The following CFAP92 variants were observed in gnomAD, a reference collection of about 807,000 sequenced individuals.
The protein encoded by CFAP92 is uncharacterized protein CFAP92.
CFAP92 carries 86 observed loss-of-function variants against 106.3 expected under a neutral mutation model. The ratio of observed to expected loss-of-function variants is 0.81; its 90% CI spans 0.68 to 0.97. CFAP92 has a LOEUF of 0.97. CFAP92 is among the 50% of genes least tolerant of loss of function. The pLI is 0.00. For missense variants in CFAP92, 1,204 were observed against 1,283.8 expected (o/e 0.94, Z 0.95); for synonymous variants, 477 against 506.4 (o/e 0.94, Z 0.78).
rs2107729628 is a variant in CFAP92, at chr3:128,945,693, T to G, written c.1636A>C (p.Arg546=). Residue 546 remains arginine (R), a synonymous_variant, in exon 10 of 16, where the codon AGA becomes CGA. Coordinates refer to ENST00000645291, the MANE Select transcript of CFAP92 (RefSeq NM_001394090.1). ...TCAAAGGGGTTGTTCTCTGTCTCTC[T>G]GGGAGAGATGAGGGCCTGGAAGTTG... ...YLNFQALISP[R]ETENNPFESQ... is the part of the protein sequence containing the mutation. 1 of 1,536,068 alleles carries G rather than the reference T, an allele frequency of 6.5e-7. No individual in the cohort carries two copies.
chr3:128,951,195 A>T (rs1461488068), intron 9 of CFAP92, among the ~76,000 whole-genome samples: 2 of 151,930 alleles, frequency 1.3e-5, no homozygotes, highest in Non-Finnish European at 2.9e-5. Context: ...AGATCGTGCC[A>T]CTGCACTCCA....
rs139772767 is a variant in CFAP92 at position 128,917,810 on chromosome 3, T to C, written c.2752-1539A>G. On this transcript the variant is annotated intron_variant, in intron 12 of 15. Transcript: ENST00000645291. ...GATATGCTTTCAGAAAGCAGTCCTGTATAAAAAAGATAAAATTAGAAACTG... is the reference window on the plus strand; with the variant it reads ...GATATGCTTTCAGAAAGCAGTCCTGCATAAAAAAGATAAAATTAGAAACTG... 4.7e-3 allele frequency among the ~76,000 whole-genome samples: 715 copies of C among 152,204 alleles called. 1 individual carries two copies. Among genetic ancestry groups the C allele is most frequent in the Non-Finnish European group, 7.7e-3 (527 of 68,010 alleles).
At position 128,915,215 on chromosome 3, in the gene CFAP92, AC is replaced by A; in HGVS notation, c.3183del (p.Arg1061SerfsTer32). The A allele has an allele frequency of 6.5e-7, 1 of 1,536,062 alleles. No homozygotes were observed. Among genetic ancestry groups the A allele is most frequent in the Non-Finnish European group, 8.7e-7 (1 of 1,146,906 alleles). ...NVLEPVLDRD[R>X]WSWDRHHVDF... ...TCCACGTGGTGCCTGTCCCAGCTCC[AC>A]CTGTCTCGATCCAACACAGGCTCCA... On this transcript the variant is annotated frameshift_variant, in exon 15 of 16. Transcript: ENST00000645291. LOFTEE classifies it high-confidence loss of function.
chr3:128,961,828 C>T (rs1250784894), intron 9 of CFAP92, among the ~76,000 whole-genome samples: 1 of 152,198 alleles, frequency 6.6e-6, no homozygotes, highest in African/African-American at 2.4e-5. Flanking sequence ...TTAACCTCTC[C>T]TTCAAGGTGT....
intron 9 of CFAP92, among the ~76,000 whole-genome samples, chr3:128,962,533 C>G (rs1210695056): frequency 6.6e-6 from 1 of 152,102 alleles, no homozygotes; most frequent in Non-Finnish European, 1.5e-5. Flanking sequence ...CATTGCTGCC[C>G]TTCTTCCCAA....
chr3:128,956,196 T>TAAATAAAA (rs1941372225), intron 9 of CFAP92, among the ~76,000 whole-genome samples: 2 of 61,714 alleles, frequency 3.2e-5, no homozygotes, highest in African/African-American at 1.8e-4. Context: ...AAAAAAAAAA[T>TAAATAAAA]AAAAAAAAAA....
chr3:128,977,090 C>T (rs962930915), intron 5 of CFAP92, 24 bp from the exon 6 acceptor site: 1 of 1,600,432 alleles, frequency 6.2e-7, no homozygotes, highest in Non-Finnish European at 8.6e-7. Flanking sequence ...CAAATATTTC[C>T]AAGCTTTTTG....
Position 128,951,284 on chromosome 3 carries a change from G to A in CFAP92, c.1354-5309C>T, listed in dbSNP as rs1411587919. The stretch of plus-strand genomic sequence containing the variant: ...GGAGAGTCAGCATCTAGCTAACAGA[G>A]TCCCAAAAAGAAAGGGGGAAAAAAA... On this transcript the variant is annotated intron_variant, in intron 9 of 15. Coordinates refer to ENST00000645291, the MANE Select transcript of CFAP92 (RefSeq NM_001394090.1). 1.3e-5 allele frequency among the ~76,000 whole-genome samples: 2 copies of A among 151,828 alleles called. 1 individual carries two copies. The highest frequency in any genetic ancestry group is 4.2e-4 in the South Asian group (2 of 4,818).
At chr3:128,996,828 G>A (rs1014932781), upstream of CFAP92, among the ~76,000 whole-genome samples, 16 of 152,168 alleles carry the variant, frequency 1.1e-4, no homozygotes, top group African/African-American at 3.6e-4. Context: ...GCTCTTCGTG[G>A]GCCCGCTGGT....
intron 1 of CFAP92, chr3:129,002,249 T>C: frequency 2.6e-6 from 4 of 1,531,224 alleles, no homozygotes; most frequent in Admixed American, 2.0e-5. Context: ...AGGAGGAGAA[T>C]AGCAGCTTGC....
chr3:128,956,127 C>A (rs1433221215), intron 9 of CFAP92, among the ~76,000 whole-genome samples: 4 of 104,660 alleles, frequency 3.8e-5, no homozygotes, highest in Non-Finnish European at 7.1e-5. Flanking sequence ...TGTCCCATGA[C>A]CCTGCCAAAT....
intron 7 of CFAP92, among the ~76,000 whole-genome samples, chr3:128,971,876 T>A (rs1318628512): frequency 3.3e-5 from 5 of 152,148 alleles, no homozygotes; most frequent in Non-Finnish European, 7.3e-5. Flanking sequence ...AGCACCTGCC[T>A]TCTAGGACAC....
At chr3:129,003,847 G>A (rs551113430), upstream of CFAP92, 801 of 1,454,950 alleles carry the variant, frequency 5.5e-4, no homozygotes, top group African/African-American at 0.01. Context: ...ACGGCGGGCC[G>A]GAGGCTGCGG....
Position 128,915,110 on chromosome 3 carries a change from GCCTGTTA to G in CFAP92, c.3280+2_3280+8del, listed in dbSNP as rs1169955077. 6 of 1,535,054 alleles carry G rather than the reference GCCTGTTA, an allele frequency of 3.9e-6. No individual in the cohort carries two copies. The highest frequency in any genetic ancestry group is 5.2e-6 in the Non-Finnish European group (6 of 1,146,442). On this transcript the variant is annotated splice_donor_variant and splice_donor_5th_base_variant and intron_variant, in intron 15 of 15. Coordinates refer to ENST00000645291, the MANE Select transcript of CFAP92 (RefSeq NM_001394090.1). LOFTEE classifies it high-confidence loss of function. ...AGGAGGCCCAGCTTGGCAAACCCTT[GCCTGTTA>G]CCTGTTACAGGCTTTGGTGCGGGCG...
intron 1 of CFAP92, among the ~76,000 whole-genome samples, chr3:128,999,641 C>T (rs1033846166): frequency 6.8e-6 from 1 of 147,370 alleles, no homozygotes; most frequent in Non-Finnish European, 1.5e-5. Context: ...CAGGTTCAAG[C>T]GATTCATCTG....
the CFAP92 span, among the ~76,000 whole-genome samples, chr3:129,023,037 A>C: frequency 3.9e-5 from 6 of 152,310 alleles, no homozygotes; most frequent in African/African-American, 1.4e-4. Context: ...ATCTAGCTAG[A>C]ACTGACTAAC....
intron 7 of CFAP92, among the ~76,000 whole-genome samples, chr3:128,973,275 C>T (rs757972723): frequency 1.8e-4 from 27 of 152,152 alleles, no homozygotes; most frequent in Non-Finnish European, 3.7e-4. Context: ...TGCAATGCTG[C>T]TCAGCCTCAC....
At chr3:128,989,550 CAGATGGGCT>C (rs1474260450) in intron 2 of CFAP92, among the ~76,000 whole-genome samples, 67 of 152,278 alleles carry the variant, frequency 4.4e-4, no homozygotes, top group Non-Finnish European at 5.9e-4. Flanking sequence ...GTGGAAGGTA[CAGATGGGCT>C]TCTGCCAGAG....
At chr3:128,927,110 G>T (rs1245640706) in intron 12 of CFAP92, among the ~76,000 whole-genome samples, 2 of 151,898 alleles carry the variant, frequency 1.3e-5, no homozygotes, top group African/African-American at 4.8e-5. Context: ...AAAAAAGAGA[G>T]AGATATTAGA....
Sources: allele counts gnomAD v4.1 joint callset (sites outside exome capture counted in the v4.1 genomes callset), GRCh38; gene constraint gnomAD v4.1.1; transcripts MANE v1.5; gene names NCBI Gene and HGNC (gene_info 2026-07-23, HGNC 2026-07-21).